COQ8A: variants seen among roughly 807,000 people sequenced by gnomAD.
COQ8A encodes the protein atypical kinase COQ8A, mitochondrial.
A neutral mutation model predicts 65.0 loss-of-function variants in COQ8A; 51 were observed. The observed-to-expected ratio is 0.78, with a 90% CI of 0.63 to 0.99. The LOEUF (loss-of-function observed/expected upper bound fraction) is 0.99. COQ8A is among the 50% of genes least tolerant of loss of function. COQ8A has a pLI of 0.00. For synonymous variants in COQ8A, 371 were observed against 353.2 expected (o/e 1.05, Z -0.57); for missense variants, 940 against 875.0 (o/e 1.07, Z -0.94).
At chr1:226,974,666 G>A (rs1412815885) in intron 4 of COQ8A, among the ~76,000 whole-genome samples, 1 of 152,212 alleles carries the variant, frequency 6.6e-6, no homozygotes, top group Non-Finnish European at 1.5e-5. Context: ...GCAGGAGCTC[G>A]TGAGGCCAAG....
intron 5 of COQ8A, among the ~76,000 whole-genome samples, chr1:226,979,578 G>A (rs1659568701): frequency 6.6e-6 from 1 of 152,160 alleles, no homozygotes; most frequent in Non-Finnish European, 1.5e-5. Flanking sequence ...CCCCGTCCAT[G>A]GGGACCCCCA....
rs886046071 is a variant in COQ8A, at chr1:226,987,063, C to G, written c.*326C>G. The G allele has an allele frequency of 2.4e-6, 1 of 410,584 alleles. No homozygotes were observed. The highest frequency in any genetic ancestry group is 4.6e-6 in the Non-Finnish European group (1 of 219,466). 25.4% of individuals were successfully genotyped at this position (410,584 alleles called of 1,614,324 possible). ...TTAAGCAGAAGGGAGAGAGTCCTTA[C>G]TCCCTTCCAATCTCTGTTCAGTGCA... is the stretch of plus-strand genomic sequence containing the variant. On this transcript the variant is annotated 3_prime_UTR_variant, in exon 15 of 15. Transcript: ENST00000366777.
At chr1:226,958,618 A>G (rs1006710628) in intron 1 of COQ8A, among the ~76,000 whole-genome samples, 18 of 152,204 alleles carry the variant, frequency 1.2e-4, no homozygotes, top group Non-Finnish European at 2.5e-4. Context: ...ACTTGTGTTG[A>G]AGGAACCTCC....
chr1:226,948,057 A>G (rs887204507), intron 1 of COQ8A, among the ~76,000 whole-genome samples: 4 of 152,160 alleles, frequency 2.6e-5, no homozygotes, highest in Admixed American at 6.5e-5. Flanking sequence ...TTAATTTCCT[A>G]TGGCTGTTGT....
intron 1 of COQ8A, among the ~76,000 whole-genome samples, chr1:226,941,732 G>A (rs546591195): frequency 2.7e-5 from 4 of 150,436 alleles, no homozygotes; most frequent in African/African-American, 4.9e-5. Flanking sequence ...CCAAGATGGC[G>A]CCAGTGCACT....
At chr1:226,977,352 C>T (rs561093310) in intron 4 of COQ8A, 97 bp from the exon 5 acceptor site, 43 of 1,157,192 alleles carry the variant, frequency 3.7e-5, no homozygotes, top group Middle Eastern at 2.5e-4. Context: ...CTGGTGCAAG[C>T]GGTGTCTGTG....
At chr1:226,962,614 G>T (rs768702149) in intron 2 of COQ8A, among the ~76,000 whole-genome samples, 4 of 152,182 alleles carry the variant, frequency 2.6e-5, no homozygotes, top group Non-Finnish European at 5.9e-5. Context: ...CTGATTTCTG[G>T]ACAAAGGTCA....
chr1:226,980,732 G>A (rs1348440297), intron 5 of COQ8A, among the ~76,000 whole-genome samples: 1 of 152,238 alleles, frequency 6.6e-6, no homozygotes, highest in Non-Finnish European at 1.5e-5. Context: ...CCTTCCTGCT[G>A]TCTGGGACCC....
At chr1:226,963,714 C>T (rs1279261076) in intron 2 of COQ8A, among the ~76,000 whole-genome samples, 3 of 152,232 alleles carry the variant, frequency 2.0e-5, no homozygotes, top group African/African-American at 7.2e-5. Flanking sequence ...AAGCGATTCT[C>T]CTGCCTCAGC....
At chr1:226,962,734 G>A (rs1190414168) in intron 2 of COQ8A, among the ~76,000 whole-genome samples, 1 of 152,220 alleles carries the variant, frequency 6.6e-6, no homozygotes, top group Non-Finnish European at 1.5e-5. Flanking sequence ...CAGTGATACA[G>A]TGGCTGTCAC....
At chr1:226,983,478 G>A (rs2148129673) in intron 8 of COQ8A, 74 bp from the exon 9 acceptor site, 4 of 1,403,716 alleles carry the variant, frequency 2.8e-6, no homozygotes, top group Non-Finnish European at 4.0e-6. Context: ...CCAGTTGGGG[G>A]TTGGGGGAGT....
intron 5 of COQ8A, among the ~76,000 whole-genome samples, chr1:226,979,462 C>T (rs1659561473): frequency 6.6e-6 from 1 of 152,174 alleles, no homozygotes. Context: ...CCAAGGGAAC[C>T]GTCTGCGTGT....
At chr1:226,964,954 C>T (rs201079543) in intron 2 of COQ8A, 46 bp from the exon 3 acceptor site, 1 of 1,608,886 alleles carries the variant, frequency 6.2e-7, no homozygotes, top group African/African-American at 1.3e-5. Flanking sequence ...GGGAGGAGCT[C>T]CTGGCTCGCT....
rs1558210108 is a variant in COQ8A at position 226,985,288 on chromosome 1, C to A, written c.1607C>A (p.Thr536Asn). The part of the protein sequence containing the change: ...IRAAADRDRE[T>N]VRAKSIEMKF... The stretch of plus-strand genomic sequence containing the variant: ...GCTGCTGCCGACAGGGACAGGGAGA[C>A]TGTGCGGGCGAAATCCATAGAGATG... The change falls in exon 14 of 15, where the codon ACT (threonine) becomes AAT (asparagine). Residue 536 changes from threonine to asparagine, a missense_variant. Transcript: ENST00000366777. The A allele has an allele frequency of 6.2e-7, 1 of 1,613,750 alleles. No homozygotes were observed. The highest frequency in any genetic ancestry group is 8.5e-7 in the Non-Finnish European group (1 of 1,180,044).
Position 226,982,712 on chromosome 1 carries a change from C to G in COQ8A, c.888C>G (p.Ile296Met). 1 of 1,613,734 alleles carries G rather than the reference C, an allele frequency of 6.2e-7. No homozygotes were observed. The highest frequency in any genetic ancestry group is 8.5e-7 in the Non-Finnish European group (1 of 1,180,026). The change falls in exon 7 of 15, where the codon ATC (isoleucine) becomes ATG (methionine). Residue 296 changes from isoleucine to methionine, a missense_variant. Ile to Met is a conservative substitution (Grantham distance 10). Coordinates refer to ENST00000366777, the MANE Select transcript of COQ8A (RefSeq NM_020247.5). ...TTATCAACCCCCACCTGGCTAAGAT[C>G]TTCGAGCGGGTGCGGCAGAGCGCGG... Reference protein sequence around the residue: ...DAFINPHLAKIFERVRQSADF... With the variant: ...DAFINPHLAKMFERVRQSADF...
chr1:226,971,681 TCTTA>T (rs1032897772), intron 4 of COQ8A, among the ~76,000 whole-genome samples: 4 of 152,274 alleles, frequency 2.6e-5, no homozygotes, highest in African/African-American at 9.6e-5. Flanking sequence ...TCTATTGTTT[TCTTA>T]CTTTGATTGT....
intron 1 of COQ8A, among the ~76,000 whole-genome samples, chr1:226,943,804 A>T (rs1272804202): frequency 5.3e-5 from 8 of 152,218 alleles, no homozygotes; most frequent in Admixed American, 5.2e-4. Context: ...ATCAAGCTAT[A>T]GAACAATTTC....
intron 5 of COQ8A, 87 bp from the exon 6 acceptor site, chr1:226,981,940 T>C: frequency 6.3e-7 from 1 of 1,587,762 alleles, no homozygotes; most frequent in South Asian, 1.1e-5. Flanking sequence ...GGACATTGTC[T>C]GAGCCTCCGT....
chr1:226,945,216 C>T (rs889256281), intron 1 of COQ8A, among the ~76,000 whole-genome samples: 1 of 152,156 alleles, frequency 6.6e-6, no homozygotes, highest in African/African-American at 2.4e-5. Context: ...AAAACGCAGG[C>T]CCCAAGAGGA....
Sources: gnomAD v4.1 joint callset for allele counts (sites outside exome capture counted in the v4.1 genomes callset) on GRCh38, gnomAD v4.1.1 for gene constraint, MANE v1.5 for transcripts, NCBI Gene and HGNC (gene_info 2026-07-23, HGNC 2026-07-21) for gene names.